Variants in SUGCT observed in about 807,000 individuals in gnomAD.
SUGCT encodes the protein succinyl-CoA:glutarate CoA-transferase.
A neutral mutation model predicts 55.0 loss-of-function variants in SUGCT; 41 were observed. That is an observed-to-expected ratio of 0.74 (90% CI 0.58 to 0.97). The LOEUF is 0.97. SUGCT is among the 50% of genes least tolerant of loss of function. The pLI, the probability that SUGCT is intolerant of heterozygous loss-of-function variation, is 0.00. For synonymous variants in SUGCT, 187 were observed against 200.4 expected (o/e 0.93, Z 0.56); for missense variants, 568 against 547.8 (o/e 1.04, Z -0.37).
At chr7:40,969,866 C>T in the SUGCT span, among the ~76,000 whole-genome samples, 3 of 152,270 alleles carry the variant, frequency 2.0e-5, no homozygotes, top group Non-Finnish European at 2.9e-5. Flanking sequence ...ATGCTTAGTT[C>T]CACAGGATAA....
chr7:40,977,547 A>C, the SUGCT span, among the ~76,000 whole-genome samples: 1 of 152,156 alleles, frequency 6.6e-6, no homozygotes, highest in South Asian at 2.1e-4. Flanking sequence ...AGTATTTCTC[A>C]AGGTATTCTT....
chr7:40,964,590 A>G, the SUGCT span: 2 of 152,222 alleles, frequency 1.3e-5, no homozygotes, highest in African/African-American at 4.8e-5. Flanking sequence ...GAGTGAGACG[A>G]TGCTTTGCCA....
At chr7:40,324,268 T>TATATA (rs1243341218) in intron 9 of SUGCT, among the ~76,000 whole-genome samples, 6 of 145,866 alleles carry the variant, frequency 4.1e-5, no homozygotes, top group South Asian at 2.2e-4. Context: ...TATATATTTA[T>TATATA]TTTTTGAGAC....
the SUGCT span, among the ~76,000 whole-genome samples, chr7:40,934,653 C>T: frequency 9.4e-5 from 10 of 106,138 alleles, no homozygotes; most frequent in South Asian, 4.0e-4. Flanking sequence ...CAATGGTGGA[C>T]GCCCCTCCCT....
intron 12 of SUGCT, among the ~76,000 whole-genome samples, chr7:40,522,518 A>G (rs772108220): frequency 1.1e-4 from 16 of 152,062 alleles, no homozygotes; most frequent in Non-Finnish European, 1.9e-4. Flanking sequence ...CTATCATACT[A>G]TCCCTGAAAA....
At chr7:40,956,482 A>G in the SUGCT span, among the ~76,000 whole-genome samples, 3 of 152,028 alleles carry the variant, frequency 2.0e-5, no homozygotes, top group Non-Finnish European at 2.9e-5. Context: ...TATTCCCTTT[A>G]TCATTTTCAT....
chr7:40,699,928 G>A (rs1785104862), intron 12 of SUGCT, among the ~76,000 whole-genome samples: 1 of 152,158 alleles, frequency 6.6e-6, no homozygotes, highest in Admixed American at 6.5e-5. Flanking sequence ...ATTGTTGGCA[G>A]CATCAGAATC....
the SUGCT span, among the ~76,000 whole-genome samples, chr7:41,024,009 C>T: frequency 0.013 from 2,049 of 152,198 alleles, 45 homozygotes; most frequent in African/African-American, 0.045. Flanking sequence ...ATGAAAATGG[C>T]ATAATAGTGC....
the SUGCT span, among the ~76,000 whole-genome samples, chr7:40,997,027 C>T: frequency 4.9e-4 from 74 of 152,264 alleles, 1 homozygote; most frequent in East Asian, 0.012. Flanking sequence ...TGATGCGGCT[C>T]CACAACCTGA....
intron 9 of SUGCT, among the ~76,000 whole-genome samples, chr7:40,368,152 G>T (rs1411759044): frequency 6.6e-6 from 1 of 152,016 alleles, no homozygotes; most frequent in Non-Finnish European, 1.5e-5. Flanking sequence ...TCGTAAGTCA[G>T]ATCTCACATT....
chr7:40,213,951 T>G (rs1373295473), intron 6 of SUGCT, among the ~76,000 whole-genome samples: 1 of 152,204 alleles, frequency 6.6e-6, no homozygotes, highest in African/African-American at 2.4e-5. Flanking sequence ...ACTCAGTGCT[T>G]GTTTTGATAA....
At chr7:40,948,204 T>C in the SUGCT span, among the ~76,000 whole-genome samples, 1 of 152,212 alleles carries the variant, frequency 6.6e-6, no homozygotes, top group Non-Finnish European at 1.5e-5. Flanking sequence ...TAGTTCTTTA[T>C]TTGTTATAGC....
the SUGCT span, among the ~76,000 whole-genome samples, chr7:40,949,861 T>C: frequency 6.6e-6 from 1 of 152,244 alleles, no homozygotes; most frequent in East Asian, 1.9e-4. Context: ...ACTGTAGCCT[T>C]ATGGTATAGT....
chr7:40,248,552 G>T (rs1008012193), intron 7 of SUGCT, among the ~76,000 whole-genome samples: 2 of 151,540 alleles, frequency 1.3e-5, no homozygotes, highest in African/African-American at 2.4e-5. Flanking sequence ...TTTTCTACAT[G>T]CGCAATTATT....
intron 6 of SUGCT, among the ~76,000 whole-genome samples, chr7:40,206,875 T>C (rs922816990): frequency 2.0e-5 from 3 of 152,140 alleles, no homozygotes; most frequent in Non-Finnish European, 4.4e-5. Flanking sequence ...AACCCATGGA[T>C]ACAAAAGGCA....
At chr7:40,462,760 A>T (rs1789872579) in intron 11 of SUGCT, among the ~76,000 whole-genome samples, 1 of 152,150 alleles carries the variant, frequency 6.6e-6, no homozygotes, top group Admixed American at 6.6e-5. Flanking sequence ...TGCCCTCCTG[A>T]ATTTTCATTT....
At chr7:40,212,387 G>T (rs990054488) in intron 6 of SUGCT, among the ~76,000 whole-genome samples, 1 of 118,748 alleles carries the variant, frequency 8.4e-6, no homozygotes, top group African/African-American at 2.6e-5. Flanking sequence ...TCAAGCCACT[G>T]TACTGCAGCC....
intron 9 of SUGCT, among the ~76,000 whole-genome samples, chr7:40,327,884 T>G (rs1024486750): frequency 5.3e-5 from 8 of 152,196 alleles, no homozygotes; most frequent in Non-Finnish European, 1.0e-4. Flanking sequence ...TAAATCAATA[T>G]TTACCACAGC....
intron 13 of SUGCT, among the ~76,000 whole-genome samples, chr7:40,854,957 A>T (rs1311038740): frequency 6.6e-6 from 1 of 151,998 alleles, no homozygotes; most frequent in Non-Finnish European, 1.5e-5. Context: ...AAAAAGTTGA[A>T]AACAAGCTCT....
Sources: allele counts gnomAD v4.1 joint callset (sites outside exome capture counted in the v4.1 genomes callset), GRCh38; gene constraint gnomAD v4.1.1; transcripts MANE v1.5; gene names NCBI Gene and HGNC (gene_info 2026-07-23, HGNC 2026-07-21).